SPTLC1: variants seen among roughly 807,000 people sequenced by gnomAD.
SPTLC1 encodes the protein serine palmitoyltransferase 1.
In SPTLC1, 55 loss-of-function variants were observed where a neutral mutation model predicts 68.9. The ratio of observed to expected loss-of-function variants is 0.80; its 90% CI spans 0.64 to 1.00. The LOEUF (loss-of-function observed/expected upper bound fraction) is 1.00, where lower values mean the gene tolerates loss of function less well. Ranked by LOEUF, SPTLC1 falls within the 50% of genes least tolerant of loss-of-function variation. The probability of loss-of-function intolerance (pLI) is 0.00; values close to 1 mark genes in which losing one functional copy is unlikely to be tolerated. For synonymous variants in SPTLC1, 197 were observed against 201.6 expected, an observed-to-expected ratio of 0.98 and a Z score of 0.19; for missense variants, 449 against 573.1, an observed-to-expected ratio of 0.78 and a Z score of 2.21.
intron 3 of SPTLC1, among the ~76,000 whole-genome samples, chr9:92,100,087 A>G (rs970037521): frequency 8.6e-5 from 13 of 151,880 alleles, no homozygotes; most frequent in Admixed American, 7.2e-4. Context: ...AGAAGAAAAT[A>G]AAGAACAACA....
In SPTLC1 at chr9:92,032,299, C is replaced by G; in HGVS notation, c.*166G>C. 1.3e-6 allele frequency: 2 copies of G among 1,535,658 alleles called. No individual in the cohort carries two copies. The highest frequency in any genetic ancestry group is 2.0e-5 in the Admixed American group (1 of 50,452). On this transcript the variant is annotated 3_prime_UTR_variant, in exon 15 of 15. Transcript: ENST00000262554. ...GTGTTTTCTTTTTAAAAAAAATAAG[C>G]ATCCTTCTCATGGTCACACAATTGG...
chr9:92,041,184 G>A, intron 12 of SPTLC1, among the ~76,000 whole-genome samples: 1 of 152,170 alleles, frequency 6.6e-6, no homozygotes, highest in East Asian at 1.9e-4. Flanking sequence ...ATAGGATGTT[G>A]ACTTCCTTTC....
intron 3 of SPTLC1, among the ~76,000 whole-genome samples, chr9:92,091,956 G>A (rs1835376701): frequency 6.6e-6 from 1 of 152,132 alleles, no homozygotes; most frequent in Non-Finnish European, 1.5e-5. Context: ...TCAAAACGAT[G>A]TAAAAATGCT....
intron 5 of SPTLC1, among the ~76,000 whole-genome samples, chr9:92,074,469 C>G (rs933708142): frequency 3.9e-5 from 6 of 152,026 alleles, no homozygotes; most frequent in Non-Finnish European, 7.4e-5. Context: ...TCCAAACCTC[C>G]CTCGCAACCT....
At chr9:92,095,243 T>C (rs1356009832) in intron 3 of SPTLC1, among the ~76,000 whole-genome samples, 1 of 152,154 alleles carries the variant, frequency 6.6e-6, no homozygotes, top group East Asian at 1.9e-4. Context: ...CAAACAGTAT[T>C]GCTAAACAGA....
Position 92,045,980 on chromosome 9 carries a change from G to A in SPTLC1, c.1136+19C>T, listed in dbSNP as rs1833500485. ...GGTGCAGATAAACTTTATGTTGGTT[G>A]AAAATATATAAAACTCACCCTTGTA... On this transcript the variant is annotated intron_variant, in intron 12 of 14. Coordinates refer to ENST00000262554, the MANE Select transcript of SPTLC1 (RefSeq NM_006415.4). 2 of 1,607,454 alleles carry A rather than the reference G, an allele frequency of 1.2e-6. No individual in the cohort carries two copies. Among genetic ancestry groups the A allele is most frequent in the East Asian group, 4.5e-5 (2 of 44,784 alleles).
intron 5 of SPTLC1, among the ~76,000 whole-genome samples, chr9:92,070,968 T>C (rs1834460525): frequency 6.6e-6 from 1 of 151,968 alleles, no homozygotes; most frequent in African/African-American, 2.4e-5. Context: ...GGAGGAGAGA[T>C]TACGGCCTTC....
chr9:92,054,037 T>A, intron 8 of SPTLC1: 1 of 868,916 alleles, frequency 1.2e-6, no homozygotes, highest in Non-Finnish European at 1.4e-6. Flanking sequence ...ATCTCAGCAC[T>A]TTGGGAGGCC....
intron 9 of SPTLC1, among the ~76,000 whole-genome samples, chr9:92,049,620 C>T (rs2118468123): frequency 6.6e-6 from 1 of 152,250 alleles, no homozygotes; most frequent in Non-Finnish European, 1.5e-5. Flanking sequence ...TCTGAAAAGA[C>T]CACTCAGGAA....
chr9:92,085,561 T>A (rs1232808913), intron 3 of SPTLC1, among the ~76,000 whole-genome samples: 3 of 150,066 alleles, frequency 2.0e-5, no homozygotes, highest in Non-Finnish European at 3.0e-5. Context: ...TTTGAGTGAG[T>A]TTCTTAATCC....
chr9:92,097,404 T>C (rs1835569132), intron 3 of SPTLC1, among the ~76,000 whole-genome samples: 1 of 152,238 alleles, frequency 6.6e-6, no homozygotes, highest in African/African-American at 2.4e-5. Context: ...TATTTTTTCA[T>C]ATACTCTTAC....
At chr9:92,083,561 C>T (rs1004475852) in intron 3 of SPTLC1, among the ~76,000 whole-genome samples, 25 of 152,198 alleles carry the variant, frequency 1.6e-4, no homozygotes, top group African/African-American at 5.1e-4. Context: ...AGATATGTGG[C>T]GTTATTTCTG....
At chr9:92,087,508 C>T (rs959990115) in intron 3 of SPTLC1, among the ~76,000 whole-genome samples, 1 of 152,246 alleles carries the variant, frequency 6.6e-6, no homozygotes, top group Admixed American at 6.5e-5. Context: ...TAGAGGTCCA[C>T]TCCAGACCCT....
chr9:92,104,790 T>C (rs1358339895), intron 3 of SPTLC1: 34 of 1,533,396 alleles, frequency 2.2e-5, no homozygotes, highest in African/African-American at 1.6e-4. Flanking sequence ...CAGGGAAACC[T>C]CACTTCCTCC....
chr9:92,047,547 A>G (rs1325735414), intron 10 of SPTLC1, 66 bp downstream of exon 10: 2 of 1,083,382 alleles, frequency 1.8e-6, no homozygotes, highest in Non-Finnish European at 2.8e-6. Flanking sequence ...TTTCAAAATT[A>G]TATTTTGAGG....
intron 6 of SPTLC1, 51 bp downstream of exon 6, chr9:92,067,915 A>G: frequency 6.4e-7 from 1 of 1,568,270 alleles, no homozygotes; most frequent in Non-Finnish European, 8.8e-7. Context: ...TAAGACAGTC[A>G]GTATTATTTC....
intron 3 of SPTLC1, among the ~76,000 whole-genome samples, chr9:92,083,157 T>C (rs1834958333): frequency 6.6e-6 from 1 of 151,868 alleles, no homozygotes; most frequent in Admixed American, 6.6e-5. Flanking sequence ...GTCAGATGAG[T>C]AGGTTGTGAA....
At chr9:92,094,659 C>A (rs1002025401) in intron 3 of SPTLC1, among the ~76,000 whole-genome samples, 9 of 152,196 alleles carry the variant, frequency 5.9e-5, no homozygotes, top group Non-Finnish European at 2.9e-5. Context: ...TTGAACTAAC[C>A]TCATAGTTTT....
chr9:92,094,426 A>G (rs1376880050), intron 3 of SPTLC1, among the ~76,000 whole-genome samples: 4 of 152,244 alleles, frequency 2.6e-5, no homozygotes, highest in Non-Finnish European at 5.9e-5. Context: ...CTACATTTGT[A>G]CTTATGAAAA....
Sources: allele counts gnomAD v4.1 joint callset (sites outside exome capture counted in the v4.1 genomes callset), GRCh38; gene constraint gnomAD v4.1.1; transcripts MANE v1.5; gene names NCBI Gene and HGNC (gene_info 2026-07-23, HGNC 2026-07-21).